The following SH3RF3 variants were observed in gnomAD, a reference collection of about 807,000 sequenced individuals.
SH3RF3 encodes the protein E3 ubiquitin-protein ligase SH3RF3.
SH3RF3 carries 29 observed loss-of-function variants against 66.3 expected under a neutral mutation model. That is an observed-to-expected ratio of 0.44 (90% CI 0.33 to 0.60). The LOEUF (loss-of-function observed/expected upper bound fraction) is 0.60. SH3RF3 is among the 20% of genes least tolerant of loss of function. SH3RF3 has a pLI of 0.04. For missense variants in SH3RF3, 1,194 were observed against 1,190.9 expected, an observed-to-expected ratio of 1.00 and a Z score of -0.04; for synonymous variants, 583 against 532.0, an observed-to-expected ratio of 1.10 and a Z score of -1.32.
chr2:109,423,354 C>A (rs1460494705), intron 5 of SH3RF3, among the ~76,000 whole-genome samples: 3 of 152,136 alleles, frequency 2.0e-5, no homozygotes, highest in Admixed American at 1.3e-4. Flanking sequence ...ACCTCGCAGA[C>A]CTTGCTGTGA....
At chr2:109,262,836 C>A (rs1680389931) in intron 1 of SH3RF3, among the ~76,000 whole-genome samples, 1 of 151,734 alleles carries the variant, frequency 6.6e-6, no homozygotes, top group South Asian at 2.1e-4. Flanking sequence ...TTTCTTTTTT[C>A]TTTTTTATTT....
chr2:109,143,665 G>C (rs1214358678), intron 1 of SH3RF3, among the ~76,000 whole-genome samples: 1 of 151,990 alleles, frequency 6.6e-6, no homozygotes, highest in African/African-American at 2.4e-5. Context: ...GAGGTAGGAG[G>C]ATTTCTTAAG....
At chr2:109,202,544 C>T (rs1157379927) in intron 1 of SH3RF3, among the ~76,000 whole-genome samples, 1 of 152,186 alleles carries the variant, frequency 6.6e-6, no homozygotes, top group African/African-American at 2.4e-5. Context: ...GCTGCTTTCT[C>T]CTTCCCCTCC....
At chr2:109,371,746 G>A in intron 3 of SH3RF3, 65 bp downstream of exon 3, 1 of 1,412,166 alleles carries the variant, frequency 7.1e-7, no homozygotes, top group South Asian at 1.2e-5. Context: ...CTACAGTGGG[G>A]TCACCTGACC....
At chr2:109,297,996 G>T (rs186655439) in intron 1 of SH3RF3, among the ~76,000 whole-genome samples, 15 of 152,260 alleles carry the variant, frequency 9.9e-5, no homozygotes, top group Non-Finnish European at 1.5e-4. Context: ...TTGGGTTTGC[G>T]CCTCAGCTGG....
At chr2:109,495,037 G>A (rs36197836) in intron 9 of SH3RF3, among the ~76,000 whole-genome samples, 38,762 of 152,080 alleles carry the variant, frequency 0.25, 5,298 homozygotes, top group East Asian at 0.5. Context: ...GGCCAGTCTC[G>A]TAAGTAGACT....
At chr2:109,279,915 G>A (rs1680843485) in intron 1 of SH3RF3, among the ~76,000 whole-genome samples, 1 of 151,860 alleles carries the variant, frequency 6.6e-6, no homozygotes, top group South Asian at 2.1e-4. Flanking sequence ...GAGTTGGGAG[G>A]TAATTGGGGG....
intron 1 of SH3RF3, among the ~76,000 whole-genome samples, chr2:109,160,003 C>T (rs1677448619): frequency 1.3e-5 from 2 of 152,206 alleles, no homozygotes; most frequent in South Asian, 4.1e-4. Flanking sequence ...GCGCTTGAAT[C>T]ATCCCAAAAC....
intron 1 of SH3RF3, among the ~76,000 whole-genome samples, chr2:109,332,211 C>T (rs548497309): frequency 6.6e-6 from 1 of 152,264 alleles, no homozygotes; most frequent in East Asian, 1.9e-4. Flanking sequence ...TCATGGGACC[C>T]CTAACAGACC....
At chr2:109,273,277 T>G (rs73952902) in intron 1 of SH3RF3, among the ~76,000 whole-genome samples, 1,618 of 152,346 alleles carry the variant, frequency 0.011, 27 homozygotes, top group African/African-American at 0.036. Context: ...TCTGTGGATG[T>G]ATCTGTGGGG....
intron 1 of SH3RF3, among the ~76,000 whole-genome samples, chr2:109,273,881 G>T (rs1680685293): frequency 6.6e-6 from 1 of 152,136 alleles, no homozygotes; most frequent in African/African-American, 2.4e-5. Flanking sequence ...CAAGTAGGCT[G>T]CTAGATGAAG....
At chr2:109,171,536 C>A (rs945401657) in intron 1 of SH3RF3, among the ~76,000 whole-genome samples, 5 of 152,252 alleles carry the variant, frequency 3.3e-5, no homozygotes, top group African/African-American at 1.2e-4. Context: ...TGGCTTCGCC[C>A]GCGGCGGGCC....
At chr2:109,165,849 C>T (rs1028817062) in intron 1 of SH3RF3, among the ~76,000 whole-genome samples, 1 of 152,212 alleles carries the variant, frequency 6.6e-6, no homozygotes, top group African/African-American at 2.4e-5. Flanking sequence ...TCACCCTAGA[C>T]ATTCAGTGCT....
chr2:109,471,713 C>G (rs994216940), intron 8 of SH3RF3, among the ~76,000 whole-genome samples: 2 of 152,204 alleles, frequency 1.3e-5, no homozygotes, highest in African/African-American at 4.8e-5. Context: ...CCACTCACCC[C>G]CTTGCTGTCT....
Position 109,353,312 on chromosome 2 carries a change from C to T in SH3RF3, c.849+5363C>T, listed in dbSNP as rs902142005. 5.3e-5 allele frequency among the ~76,000 whole-genome samples: 8 copies of T among 152,330 alleles called. No individual in the cohort carries two copies. In the East Asian group the frequency reaches 7.7e-4, roughly 15 times the overall value. On this transcript the variant is annotated intron_variant, in intron 2 of 9. Transcript: ENST00000309415. ...ATGGCTGCCTTCCTTAGCCTGGGTGCCCCCACACATTTATAGCTCGACCCT... is the reference window on the plus strand; with the variant it reads ...ATGGCTGCCTTCCTTAGCCTGGGTGTCCCCACACATTTATAGCTCGACCCT...
rs765730743 is a variant in SH3RF3, at chr2:109,398,903, T to C, written c.1259T>C (p.Ile420Thr). The C allele has an allele frequency of 3.1e-6, 5 of 1,613,504 alleles. No individual in the cohort carries two copies. Among genetic ancestry groups the C allele is most frequent in the South Asian group, 1.1e-5 (1 of 91,052 alleles). Residue 420 changes from isoleucine to threonine, a missense_variant, in exon 4 of 10, where the codon ATT becomes ACT. Physicochemically the swap from Ile to Thr is moderately conservative, Grantham distance 89. Coordinates refer to ENST00000309415, the MANE Select transcript of SH3RF3 (RefSeq NM_001099289.3). ...SSSDPRAAAR[I>T]GDLAHLSCAA... ...AGCGATCCCCGAGCCGCGGCCAGGA[T>C]TGGAGACCTTGCTCATCTGTCGTGC...
intron 8 of SH3RF3, among the ~76,000 whole-genome samples, chr2:109,456,484 C>G (rs902366366): frequency 1.3e-5 from 2 of 152,240 alleles, no homozygotes; most frequent in African/African-American, 2.4e-5. Flanking sequence ...CAACCTTTCT[C>G]TAAGTTAGGA....
chr2:109,378,994 C>T (rs938073936), intron 3 of SH3RF3, among the ~76,000 whole-genome samples: 1 of 152,210 alleles, frequency 6.6e-6, no homozygotes, highest in African/African-American at 2.4e-5. Context: ...ATCCTGTAGC[C>T]ACTGTGGCTC....
chr2:109,430,915 G>C (rs944813013), intron 5 of SH3RF3, among the ~76,000 whole-genome samples: 1 of 152,166 alleles, frequency 6.6e-6, no homozygotes, highest in Non-Finnish European at 1.5e-5. Context: ...AGGGCATGAG[G>C]GACACCTATC....
Sources: allele counts gnomAD v4.1 joint callset (sites outside exome capture counted in the v4.1 genomes callset), GRCh38; gene constraint gnomAD v4.1.1; transcripts MANE v1.5; gene names NCBI Gene and HGNC (gene_info 2026-07-23, HGNC 2026-07-21).